Variants in LPA observed in about 807,000 individuals in gnomAD.
LPA encodes the protein apolipoprotein(a).
A neutral mutation model predicts 197.9 loss-of-function variants in LPA; 199 were observed. That is an observed-to-expected ratio of 1.01 (90% CI 0.90 to 1.13). LPA has a LOEUF of 1.13. LPA is among the 50% of genes most tolerant of loss of function. The pLI is 0.00. For synonymous variants in LPA, 715 were observed against 639.5 expected (o/e 1.12, Z -1.78); for missense variants, 1,853 against 1,785.8 (o/e 1.04, Z -0.68).
chr6:160,586,289 GT>G (rs1386794412), intron 25 of LPA, among the ~76,000 whole-genome samples, 159 bp downstream of exon 25: 7 of 152,128 alleles, frequency 4.6e-5, no homozygotes, highest in Non-Finnish European at 1.0e-4. Context: ...CCCAGCTCTG[GT>G]CCCCCCAGAG....
chr6:160,557,252 G>T, intron 29 of LPA, 138 bp downstream of exon 29: 1 of 1,053,510 alleles, frequency 9.5e-7, no homozygotes, highest in Non-Finnish European at 1.4e-6. Context: ...CTCCACCAGA[G>T]AGAGTGCTGA....
At chr6:160,539,543 G>A (rs971906389) in intron 36 of LPA, among the ~76,000 whole-genome samples, 21 of 151,722 alleles carry the variant, frequency 1.4e-4, no homozygotes, top group African/African-American at 4.6e-4. Context: ...CCAGCCTGGA[G>A]TGCAGTGGCA....
chr6:160,611,045 G>A (rs759974467), intron 16 of LPA, among the ~76,000 whole-genome samples: 1 of 152,010 alleles, frequency 6.6e-6, no homozygotes, highest in Non-Finnish European at 1.5e-5. Context: ...CTCTTGCTGG[G>A]AACCTCTATC....
At chr6:160,573,087 T>C (rs906127122) in intron 28 of LPA, among the ~76,000 whole-genome samples, 1 of 152,132 alleles carries the variant, frequency 6.6e-6, no homozygotes, top group African/African-American at 2.4e-5. Context: ...TATTTGGTCA[T>C]TTAACATAAT....
intron 20 of LPA, among the ~76,000 whole-genome samples, chr6:160,599,150 T>C (rs958338179): frequency 6.6e-5 from 10 of 152,170 alleles, no homozygotes; most frequent in Admixed American, 3.3e-4. Context: ...AAGACCATCC[T>C]GGCTAGAACA....
chr6:160,546,858 C>T (rs1778079661), intron 32 of LPA, among the ~76,000 whole-genome samples: 1 of 152,106 alleles, frequency 6.6e-6, no homozygotes, highest in Admixed American at 6.6e-5. Context: ...TATTCATAGG[C>T]CCCAAAGTAA....
chr6:160,611,084 G>C (rs1276855547), intron 16 of LPA, among the ~76,000 whole-genome samples: 1 of 152,104 alleles, frequency 6.6e-6, no homozygotes, highest in African/African-American at 2.4e-5. Flanking sequence ...TTAGGACCAA[G>C]AGATTTTCTC....
intron 18 of LPA, among the ~76,000 whole-genome samples, chr6:160,604,080 G>A (rs1171144931): frequency 6.6e-6 from 1 of 152,142 alleles, no homozygotes; most frequent in Admixed American, 6.5e-5. Flanking sequence ...GCAACGTCAT[G>A]TTTAGCCAAA....
chr6:160,573,347 T>C (rs1778596885), intron 28 of LPA, among the ~76,000 whole-genome samples: 1 of 149,246 alleles, frequency 6.7e-6, no homozygotes, highest in African/African-American at 2.4e-5. Context: ...TCTTATACCT[T>C]TTTTTTTTTG....
chr6:160,609,022 T>G (rs1200515902), intron 16 of LPA, among the ~76,000 whole-genome samples: 1 of 152,186 alleles, frequency 6.6e-6, no homozygotes, highest in Admixed American at 6.5e-5. Flanking sequence ...GTCTTTAATT[T>G]GATTTGGCTA....
chr6:160,604,365 A>T (rs1186936155), intron 18 of LPA, among the ~76,000 whole-genome samples: 2 of 152,104 alleles, frequency 1.3e-5, no homozygotes, highest in African/African-American at 4.8e-5. Context: ...CTGTTGTCCA[A>T]CATGTAGAAA....
intron 20 of LPA, among the ~76,000 whole-genome samples, chr6:160,595,959 A>C (rs1166379844): frequency 6.6e-6 from 1 of 152,176 alleles, no homozygotes; most frequent in East Asian, 1.9e-4. Flanking sequence ...TTGATTTTGA[A>C]GTGTGTCTTG....
intron 37 of LPA, among the ~76,000 whole-genome samples, chr6:160,537,647 A>G (rs1267934326): frequency 6.6e-6 from 1 of 152,204 alleles, no homozygotes; most frequent in African/African-American, 2.4e-5. Flanking sequence ...CAAAAAAGAG[A>G]GAGACTCAAG....
chr6:160,605,254 A>T (rs759257281), intron 17 of LPA, 49 bp from the exon 18 acceptor site: 1 of 1,605,340 alleles, frequency 6.2e-7, no homozygotes, highest in South Asian at 1.1e-5. Context: ...AAGAAGAGAC[A>T]AACATGTGAA....
At chr6:160,587,812 GGTCT>G (rs1473961871) in intron 24 of LPA, among the ~76,000 whole-genome samples, 7 of 114,664 alleles carry the variant, frequency 6.1e-5, no homozygotes, top group Non-Finnish European at 9.3e-5. Context: ...TCTGTCTGTT[GGTCT>G]GTCTGTCTGT....
In LPA at chr6:160,585,189, G is replaced by T; in HGVS notation, c.4146C>A (p.Ser1382Arg). The change falls in exon 26 of 39, where the codon AGC becomes AGA. Residue 1382 changes from serine (S) to arginine (R), a missense_variant. Ser to Arg is a moderately radical substitution (Grantham distance 110). This residue lies in a region of LPA where 1,737 missense variants were observed against 1,504.4 expected (regional missense o/e 1.15). Transcript: ENST00000316300. The stretch of plus-strand genomic sequence containing the variant: ...CTCGGTAGCAGTCCTGGACCCCAGT[G>T]CTGTTTTCAGTTGGTGCTGAAATTA... ...LPSEEAPTEN[S>R]TGVQDCYRGD... 1 of 1,613,746 alleles carries T rather than the reference G, an allele frequency of 6.2e-7. No homozygotes were observed. The highest frequency in any genetic ancestry group is 2.2e-5 in the East Asian group (1 of 44,846).
chr6:160,537,797 G>C (rs940462555), intron 37 of LPA, 58 bp downstream of exon 37: 1 of 1,474,030 alleles, frequency 6.8e-7, no homozygotes. Flanking sequence ...TGCTCATTTT[G>C]TAACATGCAC....
chr6:160,609,780 T>C (rs968952162), intron 16 of LPA, among the ~76,000 whole-genome samples: 4 of 151,970 alleles, frequency 2.6e-5, no homozygotes, highest in Non-Finnish European at 5.9e-5. Flanking sequence ...TGTGTTTGTG[T>C]GTGTGTTAGA....
chr6:160,611,454 C>G (rs1219582831), intron 16 of LPA, 108 bp downstream of exon 16: 86 of 1,539,092 alleles, frequency 5.6e-5, no homozygotes, highest in Non-Finnish European at 7.1e-5. Context: ...GCTACACCAT[C>G]TGAATCTGAC....
Sources: gnomAD v4.1 joint callset for allele counts (sites outside exome capture counted in the v4.1 genomes callset) on GRCh38, gnomAD v4.1.1 for gene constraint, gnomAD v4.1.1 regional missense constraint, MANE v1.5 for transcripts, NCBI Gene and HGNC (gene_info 2026-07-23, HGNC 2026-07-21) for gene names.